The following GNAZ variants were observed in gnomAD, a reference collection of about 807,000 sequenced individuals.
The protein encoded by GNAZ is G protein subunit alpha z.
Under a neutral mutation model 25.4 loss-of-function variants are expected in GNAZ, and 3 were observed. The observed-to-expected ratio is 0.12, with a 90% CI of 0.05 to 0.30. The LOEUF is 0.30. Ranked by LOEUF, GNAZ falls within the 10% of genes least tolerant of loss-of-function variation. The pLI is 1.00. For missense variants in GNAZ, 241 were observed against 501.8 expected, an observed-to-expected ratio of 0.48 and a Z score of 4.97; for synonymous variants, 211 against 205.7, an observed-to-expected ratio of 1.03 and a Z score of -0.22.
intron 1 of GNAZ, among the ~76,000 whole-genome samples, chr22:23,082,509 G>T (rs554164784): frequency 6.6e-6 from 1 of 151,492 alleles, no homozygotes; most frequent in African/African-American, 2.4e-5. Flanking sequence ...ATGAGCCACC[G>T]CGCCCGGCCT....
intron 2 of GNAZ, among the ~76,000 whole-genome samples, chr22:23,097,415 C>T (rs753000438): frequency 6.6e-6 from 1 of 152,222 alleles, no homozygotes; most frequent in Non-Finnish European, 1.5e-5. Flanking sequence ...AGGCAGTGGC[C>T]ATGGTGCTAG....
intron 1 of GNAZ, among the ~76,000 whole-genome samples, chr22:23,079,795 C>T (rs947966284): frequency 6.6e-6 from 1 of 152,050 alleles, no homozygotes; most frequent in African/African-American, 2.4e-5. Context: ...CTGGCTGGGT[C>T]CAGCCACAAC....
chr22:23,079,166 CTAAG>C (rs2068600233), intron 1 of GNAZ, among the ~76,000 whole-genome samples: 1 of 152,228 alleles, frequency 6.6e-6, no homozygotes, highest in Non-Finnish European at 1.5e-5. Flanking sequence ...GATAAACACT[CTAAG>C]TAAATTATAC....
At chr22:23,110,819 G>A (rs1306555301) in intron 2 of GNAZ, among the ~76,000 whole-genome samples, 1 of 152,206 alleles carries the variant, frequency 6.6e-6, no homozygotes, top group Non-Finnish European at 1.5e-5. Flanking sequence ...TGACTCCTGA[G>A]AGCTCAGTGT....
chr22:23,084,498 A>G (rs1468243779), intron 1 of GNAZ, among the ~76,000 whole-genome samples: 1 of 152,220 alleles, frequency 6.6e-6, no homozygotes, highest in Non-Finnish European at 1.5e-5. Context: ...ATCCTAAGTC[A>G]AGGAGCATCT....
At chr22:23,112,604 A>T (rs1601823690) in intron 2 of GNAZ, among the ~76,000 whole-genome samples, 1 of 151,530 alleles carries the variant, frequency 6.6e-6, no homozygotes, top group South Asian at 2.1e-4. Context: ...TGGCAGGGAG[A>T]CCCCCTTCTC....
chr22:23,103,694 C>T (rs1204726607), intron 2 of GNAZ, among the ~76,000 whole-genome samples: 1 of 152,242 alleles, frequency 6.6e-6, no homozygotes, highest in Non-Finnish European at 1.5e-5. Context: ...CATCTGAGAA[C>T]AAGCCCTGTG....
intron 1 of GNAZ, among the ~76,000 whole-genome samples, chr22:23,088,154 C>T (rs947060226): frequency 1.3e-5 from 2 of 152,190 alleles, no homozygotes; most frequent in African/African-American, 2.4e-5. Flanking sequence ...TTTGTAAAGG[C>T]GGTTTCAAGC....
chr22:23,093,460 G>C (rs1425414608), intron 1 of GNAZ, among the ~76,000 whole-genome samples: 4 of 152,206 alleles, frequency 2.6e-5, no homozygotes, highest in African/African-American at 9.7e-5. Flanking sequence ...CCCGCACTCT[G>C]GCTGGGGGTA....
chr22:23,116,371 G>T (rs572344722), intron 2 of GNAZ, among the ~76,000 whole-genome samples: 1 of 152,382 alleles, frequency 6.6e-6, no homozygotes, highest in South Asian at 2.1e-4. Context: ...GTGAGGGGAT[G>T]ACGTGGCTAC....
At chr22:23,106,210 A>T (rs1344757189) in intron 2 of GNAZ, among the ~76,000 whole-genome samples, 1 of 152,242 alleles carries the variant, frequency 6.6e-6, no homozygotes, top group African/African-American at 2.4e-5. Flanking sequence ...AGACCCTGCA[A>T]GTCAGTGATG....
In GNAZ at chr22:23,070,534, G is replaced by T. The variant is rs1033112259; in HGVS notation, c.-486G>T. On this transcript the variant is annotated 5_prime_UTR_variant, in exon 1 of 3. Coordinates refer to ENST00000615612, the MANE Select transcript of GNAZ (RefSeq NM_002073.4). ...GCCCCGCCCCGCCCCGCCCTGCCCG[G>T]AGCAGCTCGGCAGATGCTCTGTGCT... 1.3e-5 allele frequency: 2 copies of T among 151,322 alleles called. No individual in the cohort carries two copies. Among genetic ancestry groups the T allele is most frequent in the African/African-American group, 4.8e-5 (2 of 41,308 alleles). The allele number at this position is 151,322 out of a possible 1,614,324, so 9.4% of individuals were successfully genotyped here.
At chr22:23,097,729 G>T (rs754863561) in intron 2 of GNAZ, among the ~76,000 whole-genome samples, 5 of 152,258 alleles carry the variant, frequency 3.3e-5, no homozygotes, top group African/African-American at 4.8e-5. Flanking sequence ...GATGAGTGAG[G>T]TCAGGCTCCC....
Position 23,091,476 on chromosome 22 carries a change from A to G in GNAZ, c.-449-3771A>G, listed in dbSNP as rs112386393. ...CCTATGCATACACACACACACCGCA[A>G]TGGACCTGCACACACACAGGGACCT... On this transcript the variant is annotated intron_variant, in intron 1 of 2. Coordinates refer to ENST00000615612, the MANE Select transcript of GNAZ (RefSeq NM_002073.4). Among the ~76,000 whole-genome samples, 804 of 151,466 alleles carry G rather than the reference A, an allele frequency of 5.3e-3. 9 individuals are homozygous for G. Among genetic ancestry groups the G allele is most frequent in the African/African-American group, 0.017 (717 of 41,118 alleles).
At chr22:23,084,896 C>T (rs1434777026) in intron 1 of GNAZ, among the ~76,000 whole-genome samples, 1 of 152,230 alleles carries the variant, frequency 6.6e-6, no homozygotes, top group Non-Finnish European at 1.5e-5. Flanking sequence ...GTCACCCTAC[C>T]ATCGCATGTC....
chr22:23,106,199 A>C (rs1018050950), intron 2 of GNAZ, among the ~76,000 whole-genome samples: 1 of 152,244 alleles, frequency 6.6e-6, no homozygotes, highest in Non-Finnish European at 1.5e-5. Context: ...ATTTGGACCT[A>C]AGACCCTGCA....
At chr22:23,076,011 C>T (rs1292474784) in intron 1 of GNAZ, among the ~76,000 whole-genome samples, 1 of 152,134 alleles carries the variant, frequency 6.6e-6, no homozygotes. Flanking sequence ...TGGGCAGCCC[C>T]GCATCTGGGC....
intron 1 of GNAZ, among the ~76,000 whole-genome samples, chr22:23,082,712 T>C (rs372848343): frequency 2.0e-5 from 3 of 151,992 alleles, no homozygotes; most frequent in African/African-American, 7.3e-5. Flanking sequence ...AGGACTAGGA[T>C]TCACAAGGCC....
intron 1 of GNAZ, among the ~76,000 whole-genome samples, chr22:23,078,395 G>A (rs572039897): frequency 1.1e-4 from 16 of 152,268 alleles, no homozygotes; most frequent in East Asian, 5.8e-4. Context: ...GCCCCACCCC[G>A]TGGCTGGGAC....
Sources: gnomAD v4.1 joint callset for allele counts (sites outside exome capture counted in the v4.1 genomes callset) on GRCh38, gnomAD v4.1.1 for gene constraint, MANE v1.5 for transcripts, NCBI Gene and HGNC (gene_info 2026-07-23, HGNC 2026-07-21) for gene names.